The following IL1RAPL1 variants were observed in gnomAD, a reference collection of about 807,000 sequenced individuals.
The protein encoded by IL1RAPL1 is interleukin-1 receptor accessory protein-like 1.
A neutral mutation model predicts 48.4 loss-of-function variants in IL1RAPL1; 3 were observed. That is an observed-to-expected ratio of 0.06 (90% confidence interval 0.03 to 0.16). IL1RAPL1 has a LOEUF of 0.16. IL1RAPL1 is among the 10% of genes least tolerant of loss of function. IL1RAPL1 has a pLI of 1.00. For missense variants in IL1RAPL1, 349 were observed against 530.6 expected (o/e 0.66, Z 3.36); for synonymous variants, 185 against 187.7 (o/e 0.99, Z 0.12).
intron 6 of IL1RAPL1, among the ~76,000 whole-genome samples, chrX:29,761,523 G>A (rs944597048): frequency 8.9e-6 from 1 of 111,886 alleles, no homozygotes; most frequent in African/African-American, 3.2e-5. Flanking sequence ...GTAATTATCA[G>A]AACTATTGTT....
chrX:28,603,209 T>A (rs189219849), intron 1 of IL1RAPL1, among the ~76,000 whole-genome samples: 1 of 111,834 alleles, frequency 8.9e-6, no homozygotes, highest in East Asian at 2.8e-4. Context: ...AAGCTGGTAT[T>A]AATTTTAAAA....
chrX:29,076,769 G>GATCTATCT lies in IL1RAPL1; in HGVS notation c.83-206164_83-206157dup, dbSNP rs201702225. Among the ~76,000 whole-genome samples the GATCTATCT allele has an allele frequency of 1.7e-3, 164 of 97,560 alleles. 1 individual carries two copies. Among genetic ancestry groups the GATCTATCT allele is most frequent in the African/African-American group, 5.9e-3 (150 of 25,581 alleles). The allele number at this position is 97,560 out of a possible 115,157, so 84.7% of individuals were successfully genotyped here. On this transcript the variant is annotated intron_variant, in intron 2 of 10. Coordinates refer to ENST00000378993, the MANE Select transcript of IL1RAPL1 (RefSeq NM_014271.4). ...AGGCTTGTTCTCATGAAATAAGACA[G>GATCTATCT]ATCTATCTATCTGTCTGTCTGTCTG...
At chrX:29,554,818 C>T (rs148146091) in intron 5 of IL1RAPL1, among the ~76,000 whole-genome samples, 1,176 of 111,913 alleles carry the variant, frequency 0.011, 19 homozygotes, top group African/African-American at 0.037. Context: ...TACTGTAATA[C>T]TGTGGTAACT....
rs181669654 is a variant in IL1RAPL1 at position 28,701,222 on chromosome X, C to T, written c.-24-88098C>T. On this transcript the variant is annotated intron_variant, in intron 1 of 10. Transcript: ENST00000378993. The stretch of plus-strand genomic sequence containing the variant: ...CTTAAGTTATGCTCTAAACTGGGTA[C>T]GGTTAGTTTAAAGGTGAAGTGATTT... Among the ~76,000 whole-genome samples the T allele has an allele frequency of 4.5e-3, 500 of 111,411 alleles. 1 individual carries two copies. The highest frequency in any genetic ancestry group is 7.4e-3 in the Non-Finnish European group (394 of 52,998).
At chrX:29,505,126 A>G (rs1935314062) in intron 5 of IL1RAPL1, among the ~76,000 whole-genome samples, 1 of 112,276 alleles carries the variant, frequency 8.9e-6, no homozygotes, top group South Asian at 3.7e-4. Flanking sequence ...AAATATAAAA[A>G]TAAACTCTAC....
chrX:29,133,599 C>T (rs1351084456), intron 2 of IL1RAPL1, among the ~76,000 whole-genome samples: 1 of 111,865 alleles, frequency 8.9e-6, no homozygotes, highest in East Asian at 2.8e-4. Flanking sequence ...CTCCATCCCA[C>T]AGTTTTCCCT....
chrX:29,240,209 T>C (rs1443464526), intron 2 of IL1RAPL1, among the ~76,000 whole-genome samples: 44 of 51,763 alleles, frequency 8.5e-4, no homozygotes, highest in East Asian at 7.9e-3. Context: ...TATATATATA[T>C]ATATATATAT....
At position 28,627,360 on chromosome X, in the gene IL1RAPL1, TCTC is replaced by T. The variant is rs1372968131; in HGVS notation, c.-25+39320_-25+39322del. The stretch of plus-strand genomic sequence containing the variant: ...AGTAAATTCAAGTTTATGTGGTGGT[TCTC>T]CTCCTCTGTCGCTCGCTAATGCAGC... On this transcript the variant is annotated intron_variant, in intron 1 of 10. Coordinates refer to ENST00000378993, the MANE Select transcript of IL1RAPL1 (RefSeq NM_014271.4). 4.5e-5 allele frequency among the ~76,000 whole-genome samples: 5 copies of T among 111,862 alleles called. No individual in the cohort carries two copies. The South Asian group carries it at 1.1e-3, about 25-fold the overall frequency.
At chrX:29,875,993 G>A (rs1931894110) in intron 6 of IL1RAPL1, among the ~76,000 whole-genome samples, 1 of 111,073 alleles carries the variant, frequency 9.0e-6, no homozygotes, top group Non-Finnish European at 1.9e-5. Context: ...TAGTGATGTT[G>A]TGAGAATTAA....
At chrX:29,376,845 A>G (rs2147670796) in intron 3 of IL1RAPL1, among the ~76,000 whole-genome samples, 1 of 112,167 alleles carries the variant, frequency 8.9e-6, no homozygotes, top group East Asian at 2.8e-4. Context: ...AGAAGAATGT[A>G]TAGTCTATGG....
rs758979917 is a variant in IL1RAPL1 at position 29,941,726 on chromosome X, A to G, written c.1133A>G (p.Tyr378Cys). The G allele has an allele frequency of 8.3e-7, 1 of 1,207,470 alleles. No homozygotes were observed. The highest frequency in any genetic ancestry group is 1.1e-6 in the Non-Finnish European group (1 of 891,691). The change falls in exon 9 of 11, where the codon TAC (tyrosine) becomes TGC (cysteine). Residue 378 changes from tyrosine (Y) to cysteine (C), a missense_variant. This residue lies in a region of IL1RAPL1 where 238 missense variants were observed against 337.8 expected (regional missense o/e 0.70). Transcript: ENST00000378993. ...LLLLVCLVTI[Y>C]KCYKIEIMLF... ...CTGCTTGTATGTTTGGTGACCATCTACAAGTGTTACAAGATAGAAATCATG... is the reference window on the plus strand; with the variant it reads ...CTGCTTGTATGTTTGGTGACCATCTGCAAGTGTTACAAGATAGAAATCATG...
chrX:29,133,216 G>C (rs1213307459), intron 2 of IL1RAPL1, among the ~76,000 whole-genome samples: 1 of 111,364 alleles, frequency 9.0e-6, no homozygotes, highest in African/African-American at 3.3e-5. Flanking sequence ...AAGAATTCCA[G>C]GCTTTTAAGT....
intron 2 of IL1RAPL1, among the ~76,000 whole-genome samples, chrX:28,956,965 T>A (rs1335124187): frequency 1.8e-5 from 2 of 110,905 alleles, no homozygotes; most frequent in East Asian, 5.7e-4. Flanking sequence ...ATTCAGAGAT[T>A]CAACTTCTTC....
At chrX:29,802,765 A>ATATATATG (rs1929950742) in intron 6 of IL1RAPL1, among the ~76,000 whole-genome samples, 1 of 26,716 alleles carries the variant, frequency 3.7e-5, no homozygotes, top group African/African-American at 2.3e-4. Context: ...ATATATATAT[A>ATATATATG]TATATATATA....
chrX:28,850,046 T>C (rs769014266), intron 2 of IL1RAPL1, among the ~76,000 whole-genome samples: 3 of 112,154 alleles, frequency 2.7e-5, no homozygotes, highest in Non-Finnish European at 5.6e-5. Context: ...GTTTTTGTGG[T>C]CAATTGAAAT....
At chrX:28,934,266 G>A (rs187267320) in intron 2 of IL1RAPL1, among the ~76,000 whole-genome samples, 2 of 111,263 alleles carry the variant, frequency 1.8e-5, no homozygotes, top group East Asian at 5.7e-4. Context: ...GTTACTTTCA[G>A]TACAGTTCAT....
At chrX:28,826,706 G>T (rs1346782408) in intron 2 of IL1RAPL1, among the ~76,000 whole-genome samples, 1 of 111,014 alleles carries the variant, frequency 9.0e-6, no homozygotes, top group Non-Finnish European at 1.9e-5. Context: ...ACAGAGTCAG[G>T]ATCATGAAGC....
At chrX:29,502,138 G>A (rs2088656778) in intron 5 of IL1RAPL1, among the ~76,000 whole-genome samples, 1 of 110,934 alleles carries the variant, frequency 9.0e-6, no homozygotes, top group Non-Finnish European at 1.9e-5. Flanking sequence ...CTTGCTGTTG[G>A]TGTATATAAA....
intron 1 of IL1RAPL1, among the ~76,000 whole-genome samples, chrX:28,786,455 ACT>A (rs779009422): frequency 3.8e-4 from 42 of 111,193 alleles, no homozygotes; most frequent in Admixed American, 1.1e-3. Flanking sequence ...ACAGAGAGAG[ACT>A]CTGTCTCAAA....
Sources: gnomAD v4.1 joint callset for allele counts (sites outside exome capture counted in the v4.1 genomes callset) on GRCh38, gnomAD v4.1.1 for gene constraint, gnomAD v4.1.1 regional missense constraint, MANE v1.5 for transcripts, NCBI Gene and HGNC (gene_info 2026-07-23, HGNC 2026-07-21) for gene names.